MAP2: variants seen among roughly 807,000 people sequenced by gnomAD.
MAP2 encodes the protein microtubule associated protein 2, also known as microtubule-associated protein 2.
In MAP2, 14 loss-of-function variants were observed where a neutral mutation model predicts 137.6. The ratio of observed to expected loss-of-function variants is 0.10; its 90% CI spans 0.07 to 0.16. The LOEUF (loss-of-function observed/expected upper bound fraction) is 0.16, where lower values mean the gene tolerates loss of function less well. Ranked by LOEUF, MAP2 falls within the 10% of genes least tolerant of loss-of-function variation. The pLI is 1.00. For synonymous variants in MAP2, 786 were observed against 782.3 expected (o/e 1.00, Z -0.08); for missense variants, 2,088 against 2,191.5 (o/e 0.95, Z 0.94).
intron 2 of MAP2, among the ~76,000 whole-genome samples, chr2:209,544,155 C>T (rs1179207210): frequency 6.6e-6 from 1 of 151,874 alleles, no homozygotes; most frequent in Non-Finnish European, 1.5e-5. Flanking sequence ...ATGGCGTGAA[C>T]CTGGGAGGTG....
At chr2:209,627,342 ACT>A in intron 4 of MAP2, among the ~76,000 whole-genome samples, 1 of 152,222 alleles carries the variant, frequency 6.6e-6, no homozygotes, top group East Asian at 1.9e-4. Flanking sequence ...GTAGACATAG[ACT>A]CTCTCCCAAC....
intron 2 of MAP2, among the ~76,000 whole-genome samples, chr2:209,555,987 G>T (rs1361086062): frequency 6.8e-6 from 1 of 146,026 alleles, no homozygotes; most frequent in Non-Finnish European, 1.5e-5. Context: ...TGCTTGAAAA[G>T]AAATTGAAAA....
chr2:209,676,720 CATATATATATATATATATATATATAT>C (rs56283066), intron 5 of MAP2, among the ~76,000 whole-genome samples: 28,002 of 72,024 alleles, frequency 0.39, 4,663 homozygotes, highest in East Asian at 0.58. Context: ...ACACAAAGGT[CATATATATATATATATATATATATAT>C]ATATATATAT....
intron 13 of MAP2, among the ~76,000 whole-genome samples, chr2:209,720,312 C>T (rs2069797611): frequency 6.6e-6 from 1 of 152,112 alleles, no homozygotes; most frequent in African/African-American, 2.4e-5. Flanking sequence ...TTTCAAATTA[C>T]ACTACTTTGT....
intron 2 of MAP2, among the ~76,000 whole-genome samples, chr2:209,521,643 A>G (rs373704631): frequency 6.6e-6 from 1 of 152,042 alleles, no homozygotes; most frequent in Non-Finnish European, 1.5e-5. Context: ...GAGACTTTGC[A>G]ATATTGGAAC....
At chr2:209,548,217 A>G (rs1007563315) in intron 2 of MAP2, among the ~76,000 whole-genome samples, 1 of 152,252 alleles carries the variant, frequency 6.6e-6, no homozygotes, top group Non-Finnish European at 1.5e-5. Context: ...CATGATTGTA[A>G]TAAGAACTTC....
In MAP2 at chr2:209,704,800, TA is replaced by T. The variant is rs749565889; in HGVS notation, c.4585-779del. ...TTAAAATTTTGATAAACAGTATACC[TA>T]TTTTTTAAATGTAGAAAATATGTCT... On this transcript the variant is annotated intron_variant, in intron 11 of 15. Coordinates refer to ENST00000682079, the MANE Select transcript of MAP2 (RefSeq NM_001375505.1). Among the ~76,000 whole-genome samples the T allele has an allele frequency of 1.6e-4, 25 of 152,130 alleles. 2 individuals are homozygous for T. Among genetic ancestry groups the T allele is most frequent in the East Asian group, 1.5e-3 (8 of 5,188 alleles).
intron 1 of MAP2, among the ~76,000 whole-genome samples, chr2:209,452,283 C>T (rs1432617299): frequency 1.3e-5 from 2 of 152,092 alleles, no homozygotes; most frequent in African/African-American, 4.8e-5. Context: ...AGACCTATTT[C>T]TAGGAGCTAT....
In MAP2 at chr2:209,540,005, G is replaced by A. The variant is rs187971871; in HGVS notation, c.-172+32364G>A. Among the ~76,000 whole-genome samples, 22 of 149,908 alleles carry A rather than the reference G, an allele frequency of 1.5e-4. 1 individual carries two copies. The East Asian group carries it at 2.4e-3, about 16-fold the overall frequency. On this transcript the variant is annotated intron_variant, in intron 2 of 15. Coordinates refer to ENST00000682079, the MANE Select transcript of MAP2 (RefSeq NM_001375505.1). ...AGTCCCAGCTACTCAGGAGGCCAAG[G>A]CAGGAGGGTTGTTTGAGCCTGGGAG...
intron 5 of MAP2, among the ~76,000 whole-genome samples, chr2:209,657,021 G>A (rs143812374): frequency 1.2e-4 from 19 of 152,232 alleles, no homozygotes; most frequent in African/African-American, 3.6e-4. Context: ...AAGTGAGAAC[G>A]TATGGTATTT....
chr2:209,642,740 A>T (rs956650249), intron 4 of MAP2, among the ~76,000 whole-genome samples: 2 of 152,214 alleles, frequency 1.3e-5, no homozygotes, highest in African/African-American at 4.8e-5. Flanking sequence ...TTTTCAGCAT[A>T]TCTTTTTCAT....
At chr2:209,588,974 G>T (rs2078511371) in intron 3 of MAP2, among the ~76,000 whole-genome samples, 1 of 152,066 alleles carries the variant, frequency 6.6e-6, no homozygotes. Flanking sequence ...TCCTCTGTAG[G>T]AAAGTGGATA....
chr2:209,535,028 AAAG>A (rs2065743289), intron 2 of MAP2, among the ~76,000 whole-genome samples: 1 of 152,142 alleles, frequency 6.6e-6, no homozygotes, highest in Non-Finnish European at 1.5e-5. Flanking sequence ...ATTACTTCAG[AAAG>A]AAATCCCATA....
intron 2 of MAP2, among the ~76,000 whole-genome samples, chr2:209,513,982 A>C (rs1021929304): frequency 3.3e-5 from 5 of 152,160 alleles, no homozygotes; most frequent in African/African-American, 1.2e-4. Context: ...TGATGCATCA[A>C]ATTTCAGAAA....
chr2:209,446,151 A>G (rs1216992036), intron 1 of MAP2, among the ~76,000 whole-genome samples: 3 of 151,806 alleles, frequency 2.0e-5, no homozygotes, highest in Non-Finnish European at 4.4e-5. Context: ...CAGTTTTCAT[A>G]TAGTTTCTTA....
chr2:209,494,635 A>G (rs566300032), intron 1 of MAP2, among the ~76,000 whole-genome samples: 20 of 152,284 alleles, frequency 1.3e-4, no homozygotes, highest in African/African-American at 4.8e-4. Context: ...AGAAATAATC[A>G]TACAAATGGA....
chr2:209,540,355 C>A (rs890312230), intron 2 of MAP2, among the ~76,000 whole-genome samples: 6 of 151,006 alleles, frequency 4.0e-5, no homozygotes, highest in Non-Finnish European at 8.8e-5. Context: ...CAGCACTGGC[C>A]GGGCGCGGTC....
intron 1 of MAP2, among the ~76,000 whole-genome samples, chr2:209,426,526 G>A (rs1209766825): frequency 6.6e-6 from 1 of 152,124 alleles, no homozygotes; most frequent in African/African-American, 2.4e-5. Flanking sequence ...TTCTCAGGGA[G>A]GAGACAGGGA....
At chr2:209,620,021 C>T (rs888657798) in intron 3 of MAP2, among the ~76,000 whole-genome samples, 3 of 152,048 alleles carry the variant, frequency 2.0e-5, no homozygotes, top group Non-Finnish European at 4.4e-5. Flanking sequence ...TGAGTTGAGC[C>T]ACAAGAAGGA....
Sources: gnomAD v4.1 joint callset for allele counts (sites outside exome capture counted in the v4.1 genomes callset) on GRCh38, gnomAD v4.1.1 for gene constraint, MANE v1.5 for transcripts, NCBI Gene and HGNC (gene_info 2026-07-23, HGNC 2026-07-21) for gene names.